Variants in FGGY observed in about 807,000 individuals in gnomAD.
FGGY encodes the protein FGGY carbohydrate kinase domain-containing protein.
A neutral mutation model predicts 71.3 loss-of-function variants in FGGY; 72 were observed. That is an observed-to-expected ratio of 1.01 (90% CI 0.84 to 1.23). FGGY has a LOEUF of 1.23. Among genes scored for constraint, FGGY ranks in the 50% most tolerant of loss-of-function variants. The pLI, the probability that FGGY is intolerant of heterozygous loss-of-function variation, is 0.00. For synonymous variants in FGGY, 251 were observed against 250.3 expected, an observed-to-expected ratio of 1.00 and a Z score of -0.02; for missense variants, 668 against 682.3, an observed-to-expected ratio of 0.98 and a Z score of 0.23.
intron 9 of FGGY, among the ~76,000 whole-genome samples, chr1:59,622,400 T>G (rs1285445828): frequency 6.6e-6 from 1 of 152,142 alleles, no homozygotes; most frequent in African/African-American, 2.4e-5. Flanking sequence ...GATTGATATA[T>G]TCTAGAGACA....
At chr1:59,373,395 G>T (rs1329079017) in intron 4 of FGGY, among the ~76,000 whole-genome samples, 2 of 152,090 alleles carry the variant, frequency 1.3e-5, no homozygotes, top group African/African-American at 2.4e-5. Context: ...CACTGCTCAA[G>T]GAAATTAAAG....
chr1:59,699,234 A>T lies in FGGY; in HGVS notation c.1512+25101A>T, dbSNP rs2097689732. ...TTCTGAGATTTTTTTTCTGGCTAAA[A>T]AATGATATTTTTCTTCTTCTTGGGG... On this transcript the variant is annotated intron_variant, in intron 14 of 15. Transcript: ENST00000303721. 3.0e-6 allele frequency: 3 copies of T among 985,248 alleles called. No individual in the cohort carries two copies. The African/African-American group carries it at 5.2e-5, about 17-fold the overall frequency. The allele number at this position is 985,248 out of a possible 1,614,324, so 61.0% of individuals were successfully genotyped here.
At chr1:59,574,670 G>T (rs1316520812) in intron 8 of FGGY, among the ~76,000 whole-genome samples, 1 of 152,194 alleles carries the variant, frequency 6.6e-6, no homozygotes, top group East Asian at 1.9e-4. Context: ...AAAGATAAAA[G>T]AAATCAAATT....
chr1:59,527,809 A>G (rs1391184383), intron 7 of FGGY, among the ~76,000 whole-genome samples: 2 of 152,260 alleles, frequency 1.3e-5, no homozygotes, highest in Admixed American at 6.5e-5. Flanking sequence ...ACTTCCAATC[A>G]TCCATCGTTA....
chr1:59,542,445 C>CT (rs754831417), intron 7 of FGGY, among the ~76,000 whole-genome samples: 3,718 of 34,170 alleles, frequency 0.11, 1,256 homozygotes, highest in Non-Finnish European at 0.14. Flanking sequence ...ATGTTCTTTA[C>CT]TTTTTTTTTT....
intron 12 of FGGY, among the ~76,000 whole-genome samples, chr1:59,664,517 A>G (rs1300071646): frequency 6.6e-6 from 1 of 152,232 alleles, no homozygotes; most frequent in Non-Finnish European, 1.5e-5. Context: ...GCAAGCCCCT[A>G]GGTCCCTGGT....
At chr1:59,596,240 T>C (rs943730210) in intron 8 of FGGY, among the ~76,000 whole-genome samples, 2 of 152,100 alleles carry the variant, frequency 1.3e-5, no homozygotes, top group African/African-American at 4.8e-5. Flanking sequence ...TTAGAAAATG[T>C]TGAATATGGA....
intron 2 of FGGY, among the ~76,000 whole-genome samples, chr1:59,328,377 C>A (rs2047815122): frequency 6.6e-6 from 1 of 152,186 alleles, no homozygotes; most frequent in South Asian, 2.1e-4. Context: ...CTTCTGGTAG[C>A]TTCAAACTTT....
chr1:59,455,115 T>C (rs1290960244), intron 5 of FGGY, among the ~76,000 whole-genome samples: 1 of 152,204 alleles, frequency 6.6e-6, no homozygotes, highest in African/African-American at 2.4e-5. Context: ...GTATTTGTGA[T>C]ACAGAGAAGA....
At chr1:59,631,188 C>T (rs1486509249) in intron 10 of FGGY, among the ~76,000 whole-genome samples, 1 of 152,186 alleles carries the variant, frequency 6.6e-6, no homozygotes, top group East Asian at 1.9e-4. Flanking sequence ...TCTGATTCCT[C>T]CTTCCTAACC....
intron 4 of FGGY, among the ~76,000 whole-genome samples, chr1:59,375,855 T>G (rs1171426376): frequency 6.6e-6 from 1 of 150,900 alleles, no homozygotes; most frequent in East Asian, 1.9e-4. Flanking sequence ...ATGTCTTTAA[T>G]GACCACACAC....
At chr1:59,560,632 C>A (rs1299720380) in intron 8 of FGGY, among the ~76,000 whole-genome samples, 1 of 149,208 alleles carries the variant, frequency 6.7e-6, no homozygotes, top group Non-Finnish European at 1.5e-5. Context: ...ATAAAGAAAA[C>A]TTTTTTTTTT....
Position 59,321,536 on chromosome 1 carries a change from G to T in FGGY, c.-14G>T, listed in dbSNP as rs999218131. ...TGGTTTTTACACTTGCTTACTATAG[G>T]TGGAGGAACTGCAATGTCTGGTGGA... On this transcript the variant is annotated splice_region_variant and 5_prime_UTR_variant, in exon 2 of 16. Transcript: ENST00000303721. The T allele has an allele frequency of 8.1e-6, 13 of 1,613,312 alleles. No homozygotes were observed. The highest frequency in any genetic ancestry group is 1.1e-5 in the Non-Finnish European group (13 of 1,179,582).
At chr1:59,342,124 A>G (rs2050832698) in intron 3 of FGGY, among the ~76,000 whole-genome samples, 1 of 152,144 alleles carries the variant, frequency 6.6e-6, no homozygotes, top group Non-Finnish European at 1.5e-5. Context: ...TTACTTATTT[A>G]TTTTTATTCT....
intron 9 of FGGY, among the ~76,000 whole-genome samples, chr1:59,608,298 T>G (rs984550907): frequency 6.6e-6 from 1 of 152,164 alleles, no homozygotes; most frequent in South Asian, 2.1e-4. Context: ...TCATGGTCTA[T>G]CCCCTCCAGT....
chr1:59,580,007 T>TG (rs1396878668), intron 8 of FGGY, among the ~76,000 whole-genome samples: 3 of 152,164 alleles, frequency 2.0e-5, no homozygotes, highest in African/African-American at 7.2e-5. Flanking sequence ...CCTTTGTACT[T>TG]GCTCTTATCT....
intron 6 of FGGY, among the ~76,000 whole-genome samples, chr1:59,476,143 C>G (rs1271508807): frequency 6.6e-6 from 1 of 152,174 alleles, no homozygotes; most frequent in Non-Finnish European, 1.5e-5. Flanking sequence ...CTACCTCTTT[C>G]TCTTTGTTCA....
intron 4 of FGGY, among the ~76,000 whole-genome samples, chr1:59,354,557 C>G (rs55685000): frequency 2.0e-5 from 3 of 152,176 alleles, no homozygotes; most frequent in Admixed American, 6.5e-5. Flanking sequence ...GCAGGCTTTG[C>G]ATAAACTAGT....
chr1:59,679,902 A>C (rs963295219), intron 14 of FGGY, among the ~76,000 whole-genome samples: 4 of 152,206 alleles, frequency 2.6e-5, no homozygotes, highest in Non-Finnish European at 5.9e-5. Flanking sequence ...AGAATGCTGC[A>C]ACTGACATCT....
Sources: gnomAD v4.1 joint callset for allele counts (sites outside exome capture counted in the v4.1 genomes callset) on GRCh38, gnomAD v4.1.1 for gene constraint, MANE v1.5 for transcripts, NCBI Gene and HGNC (gene_info 2026-07-23, HGNC 2026-07-21) for gene names.